The following NEB variants were observed in gnomAD, a reference collection of about 807,000 sequenced individuals.
NEB encodes the protein nebulin, also known as nemaline myopathy type 2.
A neutral mutation model predicts 952.2 loss-of-function variants in NEB; 512 were observed. The observed-to-expected ratio is 0.54, with a 90% CI of 0.50 to 0.58. The LOEUF (loss-of-function observed/expected upper bound fraction) is 0.58, where lower values mean the gene tolerates loss of function less well. NEB is among the 20% of genes least tolerant of loss of function. NEB has a pLI of 0.00. For synonymous variants in NEB, 2,900 were observed against 3,149.8 expected, an observed-to-expected ratio of 0.92 and a Z score of 2.66; for missense variants, 8,428 against 9,231.1, an observed-to-expected ratio of 0.91 and a Z score of 3.56.
intron 64 of NEB, 136 bp downstream of exon 64, chr2:151,636,091 G>A: frequency 1.4e-6 from 1 of 739,912 alleles, no homozygotes; most frequent in Non-Finnish European, 2.2e-6. Flanking sequence ...CCTTAAAACT[G>A]AGGTTTTGAA....
In NEB at chr2:151,527,564, C is replaced by T. The variant is rs745791097; in HGVS notation, c.21757G>A (p.Glu7253Lys). ...CACTTCCAGTGGGCTTTGTTGGCTT[C>T]GTACTGTTTCTTATAGTCCAGCTGT... ...NTNLDYKKQYEANKAHWKWTP... is the reference protein window; with the variant it reads ...NTNLDYKKQYKANKAHWKWTP... The change falls in exon 147 of 182, where the codon GAA becomes AAA. Residue 7253 changes from glutamate to lysine, a missense_variant. Glu to Lys is a moderately conservative substitution (Grantham distance 56). Around this residue, in one of 11 missense-constraint regions of NEB, gnomAD observed 3,374 missense variants for 3,651.5 expected, o/e 0.92. Coordinates refer to ENST00000397345, the MANE Select transcript of NEB (RefSeq NM_001164508.2). 275 of 1,612,376 alleles carry T rather than the reference C, an allele frequency of 1.7e-4. No homozygotes were observed. Among genetic ancestry groups the T allele is most frequent in the Non-Finnish European group, 2.0e-4 (241 of 1,179,232 alleles).
At chr2:151,675,173 AG>A in intron 35 of NEB, 113 bp downstream of exon 35, 1 of 774,746 alleles carries the variant, frequency 1.3e-6, no homozygotes, top group South Asian at 1.5e-5. Flanking sequence ...ATGTTCCAGT[AG>A]GGGATTTGTG....
chr2:151,560,249 T>C (rs1357348261), intron 124 of NEB, among the ~76,000 whole-genome samples: 1 of 152,204 alleles, frequency 6.6e-6, no homozygotes, highest in African/African-American at 2.4e-5. Flanking sequence ...CCTACATCCA[T>C]GTAATTCTAT....
intron 10 of NEB, among the ~76,000 whole-genome samples, chr2:151,712,880 C>T (rs1300427645): frequency 2.0e-5 from 3 of 152,030 alleles, no homozygotes; most frequent in Non-Finnish European, 2.9e-5. Flanking sequence ...CATCCAAACA[C>T]AACAGAGTTG....
At chr2:151,528,386 CCCT>C (rs2153470587) in intron 146 of NEB, among the ~76,000 whole-genome samples, 1 of 152,054 alleles carries the variant, frequency 6.6e-6, no homozygotes, top group East Asian at 1.9e-4. Context: ...GGTTTTTTTC[CCCT>C]CATTTTATTT....
intron 34 of NEB, 109 bp downstream of exon 34, chr2:151,677,456 A>G (rs2099375491): frequency 3.7e-6 from 3 of 815,540 alleles, no homozygotes; most frequent in Non-Finnish European, 5.2e-6. Context: ...AAACAAAATA[A>G]TTTAAAATGG....
chr2:151,681,718 A>C (rs1370099848), intron 29 of NEB, among the ~76,000 whole-genome samples: 1 of 152,202 alleles, frequency 6.6e-6, no homozygotes. Flanking sequence ...ACCTGACAGC[A>C]GTGAGACTCT....
chr2:151,724,216 G>T, intron 8 of NEB, 44 bp downstream of exon 8: 2 of 1,391,010 alleles, frequency 1.4e-6, no homozygotes, highest in East Asian at 2.3e-5. Flanking sequence ...ATATATGATG[G>T]GATGACATAG....
Position 151,502,821 on chromosome 2 carries a change from ACTCT to A in NEB, c.23896_23899del (p.Arg7966SerfsTer17), listed in dbSNP as rs2153102752. The A allele has an allele frequency of 6.2e-7, 1 of 1,607,944 alleles. No individual in the cohort carries two copies. The highest frequency in any genetic ancestry group is 8.5e-7 in the Non-Finnish European group (1 of 1,176,864). On this transcript the variant is annotated frameshift_variant, in exon 167 of 182. Transcript: ENST00000397345. LOFTEE classifies it high-confidence loss of function. ...GCTAAAGTTCTCTTGATTGCGTTTG[ACTCT>A]CTCCATCTCTGGAGTGATAGGTGTT...
rs571437283 is a variant in NEB, at chr2:151,617,491, G to A, written c.11077-23C>T. 1.1e-4 allele frequency: 137 copies of A among 1,212,698 alleles called. 1 individual carries two copies. In the East Asian group the frequency reaches 2.2e-3, roughly 20 times the overall value. 75.1% of individuals were successfully genotyped at this position (1,212,698 alleles called of 1,614,324 possible). ...GCGCTACAAAAAAAAAAAAAAAAGA[G>A]AGAGAGAGAGAGAAAAATTATTTTG... is the stretch of plus-strand genomic sequence containing the variant. On this transcript the variant is annotated intron_variant, in intron 74 of 181. Transcript: ENST00000397345.
intron 168 of NEB, among the ~76,000 whole-genome samples, chr2:151,500,258 A>G (rs1327668361): frequency 2.0e-5 from 3 of 152,150 alleles, no homozygotes; most frequent in African/African-American, 7.2e-5. Context: ...ATGTCAAAGA[A>G]TCAAACTTTT....
In NEB at chr2:151,672,524, G is replaced by A. The variant is rs2099313352; in HGVS notation, c.4144C>T (p.His1382Tyr). Reference protein sequence around the residue: ...KNYENTKTSYHTPGDMVSITA... With the variant: ...KNYENTKTSYYTPGDMVSITA... ...ATGCTAACCATGTCCCCAGGGGTAT[G>A]GTAGCTGGTTTTGGTGTTCTCATAG... Residue 1382 changes from histidine to tyrosine, a missense_variant, in exon 37 of 182, where the codon CAT becomes TAT. Transcript: ENST00000397345. 1.2e-6 allele frequency: 2 copies of A among 1,614,018 alleles called. No homozygotes were observed. Among genetic ancestry groups the A allele is most frequent in the Non-Finnish European group, 1.7e-6 (2 of 1,179,896 alleles).
At chr2:151,680,327 T>C (rs1372474028) in intron 30 of NEB, among the ~76,000 whole-genome samples, 2 of 152,020 alleles carry the variant, frequency 1.3e-5, no homozygotes, top group African/African-American at 2.4e-5. Flanking sequence ...ATATTATATT[T>C]TGTGGGCAAT....
chr2:151,528,808 C>T (rs1206503869), intron 146 of NEB, among the ~76,000 whole-genome samples: 2 of 152,182 alleles, frequency 1.3e-5, no homozygotes, highest in Non-Finnish European at 2.9e-5. Context: ...CCTGATGGCA[C>T]CAAATGGCTC....
chr2:151,729,709 C>T, intron 3 of NEB, 53 bp from the exon 4 acceptor site: 1 of 1,575,392 alleles, frequency 6.3e-7, no homozygotes, highest in Non-Finnish European at 8.7e-7. Context: ...GAAACCACCT[C>T]TCCTCTGCCT....
Position 151,498,920 on chromosome 2 carries a change from C to CAAAT in NEB, c.24114+374_24114+377dup, listed in dbSNP as rs574369613. Among the ~76,000 whole-genome samples, 260 of 151,200 alleles carry CAAAT rather than the reference C, an allele frequency of 1.7e-3. 2 individuals are homozygous for CAAAT. In the South Asian group the frequency reaches 0.031, roughly 18 times the overall value. On this transcript the variant is annotated intron_variant, in intron 169 of 181. Transcript: ENST00000397345. The stretch of plus-strand genomic sequence containing the variant: ...AAAAAGAAACTTCAAAATATCTGTA[C>CAAAT]AAATAACAGTAGAGATAGAAAAGGT...
At position 151,531,667 on chromosome 2, in the gene NEB, G is replaced by A. The variant is rs116980949; in HGVS notation, c.21522+125C>T. 2.8e-3 allele frequency: 2,047 copies of A among 738,332 alleles called. 29 individuals carry two copies. The East Asian group carries it at 0.031, about 11-fold the overall frequency. 45.7% of individuals were successfully genotyped at this position (738,332 alleles called of 1,614,324 possible). A position where few individuals can be genotyped will look rare whatever the true frequency, so the allele number is the denominator to read the frequency against. On this transcript the variant is annotated intron_variant, in intron 144 of 181. Transcript: ENST00000397345. Reference sequence around the variant, plus strand: ...AATCCTGTGCATAACAGGACATCTCGCACCCCTGCCTCCCTCCCACTAAAT... The same window carrying A: ...AATCCTGTGCATAACAGGACATCTCACACCCCTGCCTCCCTCCCACTAAAT...
Position 151,677,694 on chromosome 2 carries a change from T to G in NEB, c.3645A>C (p.Lys1215Asn). 1 of 1,613,964 alleles carries G rather than the reference T, an allele frequency of 6.2e-7. No homozygotes were observed. Among genetic ancestry groups the G allele is most frequent in the South Asian group, 1.1e-5 (1 of 91,080 alleles). The change falls in exon 34 of 182, where the codon AAA becomes AAC. Residue 1215 changes from lysine (K) to asparagine (N), a missense_variant. Lys to Asn is a moderately conservative substitution (Grantham distance 94). Around this residue, in one of 11 missense-constraint regions of NEB, gnomAD observed 2,851 missense variants for 2,791.5 expected, o/e 1.02. Coordinates refer to ENST00000397345, the MANE Select transcript of NEB (RefSeq NM_001164508.2). ...WIPIGSLDVE[K>N]VKKAGDALNE... ...TCAGAGCATCACCGGCCTTTTTAAC[T>G]TTTTCGACGTCGAGACTGCCAATAG...
Position 151,659,115 on chromosome 2 carries a change from C to T in NEB, c.6025G>A (p.Asp2009Asn), listed in dbSNP as rs370790324. 2 of 1,613,084 alleles carry T rather than the reference C, an allele frequency of 1.2e-6. No individual in the cohort carries two copies. The highest frequency in any genetic ancestry group is 2.2e-5 in the South Asian group (2 of 91,068). ...TTTGCCAAAATAATCTGGGGGATAT[C>T]AGGCATGATGTGGACTTTGGTTTTG... ...ADKTKVHIMP[D>N]IPQIILAKAN... The change falls in exon 47 of 182, where the codon GAT becomes AAT. Residue 2009 changes from aspartate (D) to asparagine (N), a missense_variant. Coordinates refer to ENST00000397345, the MANE Select transcript of NEB (RefSeq NM_001164508.2).
Sources: gnomAD v4.1 joint callset for allele counts (sites outside exome capture counted in the v4.1 genomes callset) on GRCh38, gnomAD v4.1.1 for gene constraint, gnomAD v4.1.1 regional missense constraint, MANE v1.5 for transcripts, NCBI Gene and HGNC (gene_info 2026-07-23, HGNC 2026-07-21) for gene names.